Variants in OSBPL11 observed in about 807,000 individuals in gnomAD.
OSBPL11 encodes the protein oxysterol-binding protein-related protein 11.
A neutral mutation model predicts 84.4 loss-of-function variants in OSBPL11; 33 were observed. The ratio of observed to expected loss-of-function variants is 0.39; its 90% CI spans 0.30 to 0.52. The LOEUF is 0.52. Among genes scored for constraint, OSBPL11 ranks in the 20% least tolerant of loss-of-function variants. The probability of loss-of-function intolerance (pLI) is 0.72; values close to 1 mark genes in which losing one functional copy is unlikely to be tolerated. For synonymous variants in OSBPL11, 276 were observed against 310.2 expected (o/e 0.89, Z 1.16); for missense variants, 736 against 901.1 (o/e 0.82, Z 2.35).
chr3:125,546,183 T>A (rs1258485051), intron 10 of OSBPL11, among the ~76,000 whole-genome samples: 6 of 150,366 alleles, frequency 4.0e-5, no homozygotes, highest in Non-Finnish European at 7.4e-5. Context: ...GTGTGTTTTT[T>A]TTTTTTTTGA....
intron 6 of OSBPL11, among the ~76,000 whole-genome samples, chr3:125,565,808 C>T (rs1184415786): frequency 6.6e-6 from 1 of 151,896 alleles, no homozygotes; most frequent in East Asian, 1.9e-4. Context: ...AATGCCCTTT[C>T]CTCTACCTCT....
intron 11 of OSBPL11, among the ~76,000 whole-genome samples, chr3:125,534,343 A>T (rs1410452547): frequency 6.6e-6 from 1 of 151,944 alleles, no homozygotes; most frequent in Non-Finnish European, 1.5e-5. Context: ...AGACTGCATC[A>T]CTGCACTCCA....
chr3:125,579,040 C>T lies in OSBPL11; in HGVS notation c.410-1G>A. Reference sequence around the variant, plus strand: ...TGCTGTCGCTCTTTTGCATCTGTAGCTGTTAAAAGAATGTAAAAATTATTT... The same window carrying T: ...TGCTGTCGCTCTTTTGCATCTGTAGTTGTTAAAAGAATGTAAAAATTATTT... On this transcript the variant is annotated splice_acceptor_variant, in intron 3 of 12. Transcript: ENST00000296220. LOFTEE classifies it high-confidence loss of function. 6.3e-7 allele frequency: 1 copy of T among 1,578,486 alleles called. No homozygotes were observed. The highest frequency in any genetic ancestry group is 8.6e-7 in the Non-Finnish European group (1 of 1,159,712).
chr3:125,577,828 CA>C (rs1218005640), intron 4 of OSBPL11, among the ~76,000 whole-genome samples: 61 of 133,026 alleles, frequency 4.6e-4, no homozygotes, highest in Admixed American at 8.3e-4. Flanking sequence ...GACTCCATCT[CA>C]AAAAAAAAAA....
In OSBPL11 at chr3:125,538,648, A is replaced by G; in HGVS notation, c.1842-15T>C. 6.3e-7 allele frequency: 1 copy of G among 1,593,176 alleles called. No individual in the cohort carries two copies. The highest frequency in any genetic ancestry group is 8.5e-7 in the Non-Finnish European group (1 of 1,170,224). On this transcript the variant is annotated splice_polypyrimidine_tract_variant and intron_variant, in intron 10 of 12. Coordinates refer to ENST00000296220, the MANE Select transcript of OSBPL11 (RefSeq NM_022776.5). ...CAGCTGTAACCCTAGAAGCAGACAG[A>G]AAAGAAAGATATGCTCTAATAAGTG...
At chr3:125,552,810 A>G in intron 8 of OSBPL11, 131 bp from the exon 9 acceptor site, 1 of 1,137,626 alleles carries the variant, frequency 8.8e-7, no homozygotes, top group Non-Finnish European at 1.2e-6. Flanking sequence ...AAAAGTATTC[A>G]GTCACATTAA....
At chr3:125,581,264 G>A (rs921546537) in intron 2 of OSBPL11, among the ~76,000 whole-genome samples, 2 of 151,764 alleles carry the variant, frequency 1.3e-5, no homozygotes, top group Non-Finnish European at 2.9e-5. Context: ...GCTAATTTTT[G>A]TATTTTTCGT....
Position 125,547,417 on chromosome 3 carries a change from G to A in OSBPL11, c.1830C>T (p.Gly610=). The A allele has an allele frequency of 6.2e-7, 1 of 1,613,154 alleles. No individual in the cohort carries two copies. The highest frequency in any genetic ancestry group is 8.5e-7 in the Non-Finnish European group (1 of 1,179,676). The change falls in exon 10 of 13, where the codon GGC becomes GGT. Residue 610 remains glycine, a synonymous_variant. Coordinates refer to ENST00000296220, the MANE Select transcript of OSBPL11 (RefSeq NM_022776.5). ...ITFHTKPFYG[G]KLHRVTAEVK... is the part of the protein sequence containing the mutation. ...TAAAATGTTCTTACCGATGCAGTTTGCCACCATAAAATGGCTTGGTATGAA... is the reference window on the plus strand; with the variant it reads ...TAAAATGTTCTTACCGATGCAGTTTACCACCATAAAATGGCTTGGTATGAA...
At chr3:125,532,585 A>AG (rs1175431957) in intron 11 of OSBPL11, among the ~76,000 whole-genome samples, 2 of 150,406 alleles carry the variant, frequency 1.3e-5, no homozygotes, top group East Asian at 3.9e-4. Flanking sequence ...AGCAAAAAAA[A>AG]AAAAAAACAA....
At chr3:125,566,776 G>T (rs1466045175) in intron 6 of OSBPL11, among the ~76,000 whole-genome samples, 8 of 151,300 alleles carry the variant, frequency 5.3e-5, no homozygotes, top group Non-Finnish European at 1.2e-4. Context: ...ATATATATAT[G>T]TGTGTATATA....
At chr3:125,581,525 G>A (rs559864073) in intron 2 of OSBPL11, among the ~76,000 whole-genome samples, 21 of 151,270 alleles carry the variant, frequency 1.4e-4, no homozygotes, top group South Asian at 2.1e-4. Flanking sequence ...GTGAAACCCC[G>A]TCTCTACTAA....
At chr3:125,586,804 C>T (rs555375197) in intron 1 of OSBPL11, among the ~76,000 whole-genome samples, 19 of 152,218 alleles carry the variant, frequency 1.2e-4, no homozygotes, top group African/African-American at 4.1e-4. Flanking sequence ...CGTGAGCCAC[C>T]GTGCCCGGCA....
intron 5 of OSBPL11, among the ~76,000 whole-genome samples, chr3:125,571,356 T>C (rs1261021228): frequency 6.6e-6 from 1 of 152,060 alleles, no homozygotes. Flanking sequence ...GATGACACAA[T>C]AGAAAAGAAA....
chr3:125,541,107 T>C (rs1037922325), intron 10 of OSBPL11, among the ~76,000 whole-genome samples: 2 of 152,200 alleles, frequency 1.3e-5, no homozygotes, highest in African/African-American at 4.8e-5. Context: ...TGTGTTCCAA[T>C]AAAATTTAAT....
At chr3:125,531,549 G>C (rs113347928) in intron 12 of OSBPL11, among the ~76,000 whole-genome samples, 27,273 of 151,280 alleles carry the variant, frequency 0.18, 3,149 homozygotes, top group African/African-American at 0.34. Flanking sequence ...CCTCGGCCTC[G>C]CAAAGTACTG....
At chr3:125,536,132 C>CAAA (rs35385096) in intron 11 of OSBPL11, among the ~76,000 whole-genome samples, 1,513 of 102,464 alleles carry the variant, frequency 0.015, 17 homozygotes, top group African/African-American at 0.032. Context: ...GAGTCCATCT[C>CAAA]AAAAAAAAAA....
intron 1 of OSBPL11, among the ~76,000 whole-genome samples, chr3:125,594,206 T>C (rs1001022812): frequency 1.3e-5 from 2 of 152,248 alleles, no homozygotes; most frequent in Admixed American, 1.3e-4. Context: ...GAATCTTTTC[T>C]GATTCTGGAG....
chr3:125,538,260 A>AC (rs1376466714), intron 11 of OSBPL11, among the ~76,000 whole-genome samples, 191 bp downstream of exon 11: 4 of 152,222 alleles, frequency 2.6e-5, no homozygotes. Context: ...GGTTTTTACT[A>AC]AAATGTGACT....
At position 125,563,861 on chromosome 3, in the gene OSBPL11, A is replaced by C. The variant is rs111679223; in HGVS notation, c.869-18T>G. Reference sequence around the variant, plus strand: ...TGTCGTTCCTGATGGAGTAAGAGAAAACTTTCGCTGAAACTTGCTCATAAT... The same window carrying C: ...TGTCGTTCCTGATGGAGTAAGAGAACACTTTCGCTGAAACTTGCTCATAAT... On this transcript the variant is annotated intron_variant, in intron 6 of 12. Transcript: ENST00000296220. The C allele has an allele frequency of 3.7e-6, 6 of 1,607,178 alleles. No homozygotes were observed. The highest frequency in any genetic ancestry group is 2.5e-6 in the Non-Finnish European group (3 of 1,178,230).
Sources: allele counts gnomAD v4.1 joint callset (sites outside exome capture counted in the v4.1 genomes callset), GRCh38; gene constraint gnomAD v4.1.1; transcripts MANE v1.5; gene names NCBI Gene and HGNC (gene_info 2026-07-23, HGNC 2026-07-21).